PRR16: variants seen among roughly 807,000 people sequenced by gnomAD.
PRR16 encodes protein Largen.
Under a neutral mutation model 18.2 loss-of-function variants are expected in PRR16, and 6 were observed. The ratio of observed to expected loss-of-function variants is 0.33; its 90% CI spans 0.18 to 0.65. PRR16 has a LOEUF of 0.65. Ranked by LOEUF, PRR16 falls within the 30% of genes least tolerant of loss-of-function variation. The pLI is 0.74. For synonymous variants in PRR16, 151 were observed against 147.8 expected (o/e 1.02, Z -0.16); for missense variants, 412 against 376.6 (o/e 1.09, Z -0.78).
rs528019264 is a variant in PRR16 at position 120,524,288 on chromosome 5, C to G, written c.159+59643C>G. Among the ~76,000 whole-genome samples, 4 of 152,208 alleles carry G rather than the reference C, an allele frequency of 2.6e-5. No homozygotes were observed. In the South Asian group the frequency reaches 8.3e-4, roughly 32 times the overall value. On this transcript the variant is annotated intron_variant, in intron 1 of 1. Coordinates refer to ENST00000407149, the MANE Select transcript of PRR16 (RefSeq NM_001300783.2). Reference sequence around the variant, plus strand: ...AAGTCTAGAGTTGTAGCCGAATTACCATTCTGAAAAATGTTCTTAGTGTAT... The same window carrying G: ...AAGTCTAGAGTTGTAGCCGAATTACGATTCTGAAAAATGTTCTTAGTGTAT...
intron 1 of PRR16, among the ~76,000 whole-genome samples, chr5:120,562,081 A>T (rs1315659235): frequency 6.6e-6 from 1 of 152,092 alleles, no homozygotes; most frequent in Admixed American, 6.6e-5. Context: ...TGGGATATTG[A>T]AGTCTCCATG....
At chr5:120,491,424 CTTT>C (rs1750036704) in intron 1 of PRR16, among the ~76,000 whole-genome samples, 1 of 354 alleles carries the variant, frequency 2.8e-3, no homozygotes, top group African/African-American at 8.9e-3. Flanking sequence ...ATACCCTTTC[CTTT>C]CCTTTCCTTT....
the PRR16 span, among the ~76,000 whole-genome samples, chr5:120,700,954 C>T: frequency 3.3e-5 from 5 of 152,116 alleles, no homozygotes; most frequent in Admixed American, 3.3e-4. Flanking sequence ...GTTGAACAGT[C>T]CAATTTTCAG....
chr5:120,639,338 A>T (rs1384125580), intron 1 of PRR16, among the ~76,000 whole-genome samples: 1 of 152,128 alleles, frequency 6.6e-6, no homozygotes, highest in Non-Finnish European at 1.5e-5. Context: ...CTAACTGAAT[A>T]GGAAGAACAT....
At chr5:120,618,363 G>T in intron 1 of PRR16, 1 of 568,196 alleles carries the variant, frequency 1.8e-6, no homozygotes, top group Non-Finnish European at 2.2e-6. Flanking sequence ...TTCTATATTA[G>T]CATATAGTGA....
At chr5:120,556,852 C>T (rs2112709956) in intron 1 of PRR16, among the ~76,000 whole-genome samples, 1 of 151,848 alleles carries the variant, frequency 6.6e-6, no homozygotes, top group Non-Finnish European at 1.5e-5. Flanking sequence ...TGCTTACTTG[C>T]CTGGTCCTTT....
the PRR16 span, among the ~76,000 whole-genome samples, chr5:120,709,922 G>T: frequency 6.6e-6 from 1 of 152,098 alleles, no homozygotes; most frequent in East Asian, 1.9e-4. Flanking sequence ...TGGATATTGT[G>T]AACTGCAATA....
chr5:120,595,876 C>A (rs1753798609), intron 1 of PRR16, among the ~76,000 whole-genome samples: 1 of 151,920 alleles, frequency 6.6e-6, no homozygotes, highest in South Asian at 2.1e-4. Context: ...TTGCAACTTG[C>A]ATATACCTTT....
At chr5:120,580,624 T>G (rs1052856214) in intron 1 of PRR16, among the ~76,000 whole-genome samples, 2 of 151,814 alleles carry the variant, frequency 1.3e-5, no homozygotes, top group African/African-American at 4.8e-5. Flanking sequence ...CCGGCTAATT[T>G]TTTTGTATTT....
chr5:120,617,290 A>T (rs901819137), intron 1 of PRR16: 1 of 518,646 alleles, frequency 1.9e-6, no homozygotes, highest in Non-Finnish European at 2.5e-6. Context: ...GTAATTCAAA[A>T]TATATGTAAG....
At chr5:120,752,287 C>T in the PRR16 span, among the ~76,000 whole-genome samples, 1 of 151,956 alleles carries the variant, frequency 6.6e-6, no homozygotes, top group Non-Finnish European at 1.5e-5. Context: ...TACATTAATT[C>T]CAGACGAGAC....
intron 1 of PRR16, among the ~76,000 whole-genome samples, chr5:120,494,402 C>G (rs536208880): frequency 1.3e-5 from 2 of 152,128 alleles, no homozygotes; most frequent in East Asian, 3.9e-4. Flanking sequence ...TCTCAAACTC[C>G]TGGCCTTAAT....
the PRR16 span, among the ~76,000 whole-genome samples, chr5:120,754,237 T>TTATA: frequency 0.012 from 261 of 20,940 alleles, 2 homozygotes; most frequent in South Asian, 0.043. Context: ...ATATAATATA[T>TTATA]AATTAGATAT....
intron 1 of PRR16, among the ~76,000 whole-genome samples, chr5:120,586,609 A>G (rs1488133914): frequency 6.6e-6 from 1 of 152,104 alleles, no homozygotes; most frequent in Non-Finnish European, 1.5e-5. Flanking sequence ...CTTCAATGTT[A>G]CTATTGTAAT....
At chr5:120,653,576 A>G (rs1755865266) in intron 1 of PRR16, among the ~76,000 whole-genome samples, 1 of 152,088 alleles carries the variant, frequency 6.6e-6, no homozygotes, top group Non-Finnish European at 1.5e-5. Flanking sequence ...AATCAGAGGT[A>G]GGAAGGGATA....
At position 120,535,020 on chromosome 5, in the gene PRR16, A is replaced by G. The variant is rs184164126; in HGVS notation, c.159+70375A>G. On this transcript the variant is annotated intron_variant, in intron 1 of 1. Coordinates refer to ENST00000407149, the MANE Select transcript of PRR16 (RefSeq NM_001300783.2). ...AACATACATGCATCTAAATAATGTA[A>G]TGAACCAGATTGTAAGGGATATGTA... Among the ~76,000 whole-genome samples the G allele has an allele frequency of 7.2e-5, 11 of 152,224 alleles. No individual in the cohort carries two copies. The East Asian group carries it at 1.2e-3, about 16-fold the overall frequency.
intron 1 of PRR16, among the ~76,000 whole-genome samples, chr5:120,600,341 C>A (rs1753943261): frequency 6.6e-6 from 1 of 151,754 alleles, no homozygotes. Flanking sequence ...AATATGTATA[C>A]CTTCTCATAT....
At chr5:120,525,391 TTCTC>T (rs1271083664) in intron 1 of PRR16, among the ~76,000 whole-genome samples, 1 of 152,092 alleles carries the variant, frequency 6.6e-6, no homozygotes, top group Non-Finnish European at 1.5e-5. Flanking sequence ...TCATTGTTGT[TTCTC>T]TTTCTTCTTT....
At chr5:120,661,833 A>G (rs1337252395) in intron 1 of PRR16, among the ~76,000 whole-genome samples, 2 of 152,050 alleles carry the variant, frequency 1.3e-5, no homozygotes, top group Non-Finnish European at 2.9e-5. Context: ...TTTAAAACAC[A>G]TTTCAAGGAC....
Sources: allele counts gnomAD v4.1 joint callset (sites outside exome capture counted in the v4.1 genomes callset), GRCh38; gene constraint gnomAD v4.1.1; transcripts MANE v1.5; gene names NCBI Gene and HGNC (gene_info 2026-07-23, HGNC 2026-07-21).